FSTL4: variants seen among roughly 807,000 people sequenced by gnomAD.
FSTL4 encodes the protein follistatin like 4, also known as follistatin-related protein 4.
In FSTL4, 28 loss-of-function variants were observed where a neutral mutation model predicts 78.2. The observed-to-expected ratio is 0.36, with a 90% confidence interval of 0.27 to 0.49. The LOEUF (loss-of-function observed/expected upper bound fraction) is 0.49, where lower values mean the gene tolerates loss of function less well. FSTL4 is among the 20% of genes least tolerant of loss of function. The pLI is 0.98. For missense variants in FSTL4, 922 were observed against 1,084.9 expected (o/e 0.85, Z 2.11); for synonymous variants, 422 against 440.5 (o/e 0.96, Z 0.53).
At chr5:133,723,587 G>T in the FSTL4 span, among the ~76,000 whole-genome samples, 7 of 152,152 alleles carry the variant, frequency 4.6e-5, no homozygotes, top group Admixed American at 4.6e-4. Flanking sequence ...CCTCAGAGAG[G>T]TGGCGTGCCT....
chr5:133,654,469 C>T, the FSTL4 span, among the ~76,000 whole-genome samples: 5 of 152,220 alleles, frequency 3.3e-5, no homozygotes, highest in Non-Finnish European at 7.3e-5. Context: ...GTACAGTCCT[C>T]ATACACTAGC....
the FSTL4 span, among the ~76,000 whole-genome samples, chr5:133,681,841 G>A: frequency 2.6e-5 from 4 of 152,122 alleles, no homozygotes; most frequent in African/African-American, 9.7e-5. Flanking sequence ...TTGTATAGAA[G>A]AGACTGCTGA....
At chr5:133,838,263 A>G in the FSTL4 span, among the ~76,000 whole-genome samples, 3 of 152,242 alleles carry the variant, frequency 2.0e-5, no homozygotes, top group African/African-American at 7.2e-5. Context: ...CGAAGACTTC[A>G]ACTCATTTTT....
chr5:133,514,143 C>T (rs1020059177), intron 3 of FSTL4, among the ~76,000 whole-genome samples: 2 of 150,402 alleles, frequency 1.3e-5, no homozygotes, highest in East Asian at 1.9e-4. Context: ...CGAGCCACTG[C>T]GTTCCAGCCT....
chr5:133,421,100 G>A (rs1756682979), intron 3 of FSTL4, among the ~76,000 whole-genome samples: 1 of 152,186 alleles, frequency 6.6e-6, no homozygotes, highest in Non-Finnish European at 1.5e-5. Flanking sequence ...GGAGCATTCT[G>A]CCATTGCCCT....
chr5:133,705,838 AAC>A, the FSTL4 span, among the ~76,000 whole-genome samples: 8 of 145,040 alleles, frequency 5.5e-5, no homozygotes, highest in South Asian at 2.1e-4. Flanking sequence ...AGCCTCCTGC[AAC>A]ACACACACAC....
chr5:133,719,280 G>A, the FSTL4 span, among the ~76,000 whole-genome samples: 2 of 152,134 alleles, frequency 1.3e-5, no homozygotes, highest in Non-Finnish European at 2.9e-5. Context: ...ATTTAAATGA[G>A]TTCTTACTTG....
chr5:133,461,602 T>C (rs866870016), intron 3 of FSTL4, among the ~76,000 whole-genome samples: 3 of 152,104 alleles, frequency 2.0e-5, no homozygotes, highest in Admixed American at 6.6e-5. Context: ...TCTACGGAAG[T>C]TACAAGCTAG....
At chr5:133,371,816 G>C (rs1295275413) in intron 4 of FSTL4, among the ~76,000 whole-genome samples, 4 of 152,212 alleles carry the variant, frequency 2.6e-5, no homozygotes, top group African/African-American at 7.2e-5. Flanking sequence ...AGAGCTGGAA[G>C]GACTCCTCAT....
At chr5:133,326,102 T>C (rs1480490900) in intron 4 of FSTL4, among the ~76,000 whole-genome samples, 1 of 152,220 alleles carries the variant, frequency 6.6e-6, no homozygotes, top group Non-Finnish European at 1.5e-5. Flanking sequence ...CCAGCTCTAA[T>C]TTAGGAGCTG....
At chr5:133,708,864 A>G in the FSTL4 span, among the ~76,000 whole-genome samples, 1 of 152,200 alleles carries the variant, frequency 6.6e-6, no homozygotes, top group African/African-American at 2.4e-5. Context: ...ATTTACAGGG[A>G]ATAGGAGAGC....
At chr5:133,473,409 G>T (rs1757864511) in intron 3 of FSTL4, among the ~76,000 whole-genome samples, 2 of 152,058 alleles carry the variant, frequency 1.3e-5, no homozygotes, top group Admixed American at 1.3e-4. Flanking sequence ...CCCTCCCATG[G>T]TCTGAGATCA....
chr5:133,352,272 A>ATG (rs1308587807), intron 4 of FSTL4, among the ~76,000 whole-genome samples: 1 of 134,892 alleles, frequency 7.4e-6, no homozygotes, highest in African/African-American at 2.8e-5. Flanking sequence ...ATACACACAT[A>ATG]TATATATACA....
At chr5:133,699,095 G>A in the FSTL4 span, among the ~76,000 whole-genome samples, 1 of 152,130 alleles carries the variant, frequency 6.6e-6, no homozygotes, top group African/African-American at 2.4e-5. Context: ...CCAGGCCTCT[G>A]GACTCCAGCC....
At chr5:133,261,374 C>T (rs968264071) in intron 6 of FSTL4, among the ~76,000 whole-genome samples, 30 of 152,052 alleles carry the variant, frequency 2.0e-4, no homozygotes, top group Non-Finnish European at 2.6e-4. Flanking sequence ...GAACTATAAA[C>T]TAAAAATAAA....
chr5:133,680,008 G>A, the FSTL4 span, among the ~76,000 whole-genome samples: 1 of 152,154 alleles, frequency 6.6e-6, no homozygotes, highest in Non-Finnish European at 1.5e-5. Context: ...AAGTCAAGAT[G>A]GTGAGAGGAG....
chr5:133,221,035 G>A lies in FSTL4; in HGVS notation c.1340-169C>T, dbSNP rs959060479. 2.4e-5 allele frequency: 17 copies of A among 704,940 alleles called. No individual in the cohort carries two copies. In the African/African-American group the frequency reaches 3.0e-4, roughly 12 times the overall value. 43.7% of individuals were successfully genotyped at this position (704,940 alleles called of 1,614,324 possible). ...AGAATGAGCAGCCAGCTTGTAGCTG[G>A]ATGGGTGCAGAGAGGGCCCCCCAGG... On this transcript the variant is annotated intron_variant, in intron 11 of 15. Transcript: ENST00000265342.
At chr5:133,619,244 AC>A in the FSTL4 span, among the ~76,000 whole-genome samples, 5 of 152,146 alleles carry the variant, frequency 3.3e-5, no homozygotes, top group Non-Finnish European at 7.3e-5. Flanking sequence ...CCAACTTGTG[AC>A]CCTGTAAATG....
chr5:133,226,626 C>T (rs530027131), intron 8 of FSTL4, among the ~76,000 whole-genome samples: 1 of 152,226 alleles, frequency 6.6e-6, no homozygotes, highest in Admixed American at 6.5e-5. Context: ...ATAACTTTTA[C>T]TTTACACACT....
Sources: allele counts gnomAD v4.1 joint callset (sites outside exome capture counted in the v4.1 genomes callset), GRCh38; gene constraint gnomAD v4.1.1; transcripts MANE v1.5; gene names NCBI Gene and HGNC (gene_info 2026-07-23, HGNC 2026-07-21).